The following RABGEF1 variants were observed in gnomAD, a reference collection of about 807,000 sequenced individuals.
RABGEF1 encodes the protein RAB guanine nucleotide exchange factor 1, also known as rab5 GDP/GTP exchange factor.
Under a neutral mutation model 57.3 loss-of-function variants are expected in RABGEF1, and 26 were observed. That is an observed-to-expected ratio of 0.45 (90% CI 0.33 to 0.63). The LOEUF (loss-of-function observed/expected upper bound fraction) is 0.63, where lower values mean the gene tolerates loss of function less well. Ranked by LOEUF, RABGEF1 falls within the 20% of genes least tolerant of loss-of-function variation. RABGEF1 has a pLI of 0.02. For synonymous variants in RABGEF1, 185 were observed against 210.7 expected, an observed-to-expected ratio of 0.88 and a Z score of 1.06; for missense variants, 464 against 607.6, an observed-to-expected ratio of 0.76 and a Z score of 2.48.
Position 66,767,105 on chromosome 7 carries a change from C to T in RABGEF1, c.-17-4778C>T, listed in dbSNP as rs368160674. On this transcript the variant is annotated intron_variant, in intron 1 of 8. Coordinates refer to ENST00000284957, the MANE Select transcript of RABGEF1 (RefSeq NM_014504.3). ...GCAACCTCCATCTCCCCGGTTCATG[C>T]GATTCTTGTGTCTCAGCCTCCCAAG... Among the ~76,000 whole-genome samples the T allele has an allele frequency of 2.6e-4, 39 of 150,530 alleles. 1 individual carries two copies. In the East Asian group the frequency reaches 5.7e-3, roughly 22 times the overall value.
chr7:66,668,888 G>T, the RABGEF1 span: 1 of 152,300 alleles, frequency 6.6e-6, no homozygotes, highest in Non-Finnish European at 1.5e-5. Flanking sequence ...TCTTGCATCA[G>T]ATGCAGAAAC....
At chr7:66,749,284 A>G (rs1038840443) in intron 1 of RABGEF1, among the ~76,000 whole-genome samples, 4 of 152,220 alleles carry the variant, frequency 2.6e-5, no homozygotes, top group Admixed American at 6.5e-5. Flanking sequence ...GGAGCCATGC[A>G]TTGTGTTAAT....
chr7:66,691,664 C>A (rs1330775655), intron 1 of RABGEF1, among the ~76,000 whole-genome samples: 2 of 152,148 alleles, frequency 1.3e-5, no homozygotes, highest in Non-Finnish European at 2.9e-5. Flanking sequence ...CAATAAATTA[C>A]ATGAGAAATT....
At chr7:66,654,796 C>T in the RABGEF1 span, among the ~76,000 whole-genome samples, 9 of 152,232 alleles carry the variant, frequency 5.9e-5, no homozygotes, top group South Asian at 2.1e-4. Context: ...ATTCCAGCCC[C>T]GTCAGCTCCG....
chr7:66,680,655 C>A (rs1433878284), upstream of RABGEF1, among the ~76,000 whole-genome samples: 1 of 151,954 alleles, frequency 6.6e-6, no homozygotes, highest in East Asian at 1.9e-4. Flanking sequence ...TGAGCAAGAA[C>A]AGAAATTAGG....
At chr7:66,758,680 T>C (rs1803400535) in intron 1 of RABGEF1, among the ~76,000 whole-genome samples, 1 of 152,014 alleles carries the variant, frequency 6.6e-6, no homozygotes, top group Non-Finnish European at 1.5e-5. Flanking sequence ...CCAATCTGGG[T>C]GTGCCGACTC....
At chr7:66,699,489 G>C (rs182684538) in intron 1 of RABGEF1, among the ~76,000 whole-genome samples, 1 of 152,084 alleles carries the variant, frequency 6.6e-6, no homozygotes, top group Non-Finnish European at 1.5e-5. Context: ...TCGGGAGTTC[G>C]AGACCAGCCT....
intron 1 of RABGEF1, among the ~76,000 whole-genome samples, chr7:66,743,878 G>A (rs556618378): frequency 1.3e-5 from 2 of 152,078 alleles, no homozygotes; most frequent in East Asian, 3.9e-4. Flanking sequence ...TGATTCTCTA[G>A]CCTCGGCCTC....
intron 1 of RABGEF1, among the ~76,000 whole-genome samples, chr7:66,760,105 G>T (rs1803894073): frequency 6.6e-6 from 1 of 152,180 alleles, no homozygotes; most frequent in Non-Finnish European, 1.5e-5. Flanking sequence ...TGACCAAGCA[G>T]GCCCGTCTGA....
intron 1 of RABGEF1, among the ~76,000 whole-genome samples, chr7:66,696,994 C>T (rs1411071042): frequency 1.3e-5 from 2 of 152,138 alleles, no homozygotes; most frequent in African/African-American, 4.8e-5. Context: ...AGCCAATGTG[C>T]GTGGAGCAGA....
At chr7:66,697,441 C>G (rs1487590839) in intron 1 of RABGEF1, among the ~76,000 whole-genome samples, 1 of 152,190 alleles carries the variant, frequency 6.6e-6, no homozygotes, top group Non-Finnish European at 1.5e-5. Context: ...GTCAAACCGA[C>G]GTCTCTCCCT....
At chr7:66,657,820 C>A in the RABGEF1 span, among the ~76,000 whole-genome samples, 8 of 151,170 alleles carry the variant, frequency 5.3e-5, no homozygotes, top group East Asian at 5.8e-4. Flanking sequence ...GACTCTATCT[C>A]AAAAAAAATC....
chr7:66,676,905 CACAAAAGTTAAAAA>C, the RABGEF1 span, among the ~76,000 whole-genome samples: 2 of 152,178 alleles, frequency 1.3e-5, no homozygotes, highest in Non-Finnish European at 2.9e-5. Flanking sequence ...TCCCTTGATG[CACAAAAGTTAAAAA>C]ACTACTGATG....
chr7:66,676,277 C>T, the RABGEF1 span, among the ~76,000 whole-genome samples: 6 of 150,328 alleles, frequency 4.0e-5, no homozygotes, highest in Non-Finnish European at 8.9e-5. Context: ...AGCGAGACTT[C>T]GTTTCAAAAA....
At chr7:66,752,493 T>TA (rs368452742) in intron 1 of RABGEF1, among the ~76,000 whole-genome samples, 5,749 of 137,322 alleles carry the variant, frequency 0.042, 157 homozygotes, top group Middle Eastern at 0.086. Flanking sequence ...AAACTCCGTC[T>TA]AAAAAAAAAA....
chr7:66,779,048 G>A (rs1357348389), intron 3 of RABGEF1, among the ~76,000 whole-genome samples: 1 of 152,118 alleles, frequency 6.6e-6, no homozygotes, highest in Non-Finnish European at 1.5e-5. Context: ...CCGGGGAGTG[G>A]AGGTTGCAGT....
chr7:66,749,775 T>G (rs549594225), intron 1 of RABGEF1, among the ~76,000 whole-genome samples: 1 of 152,154 alleles, frequency 6.6e-6, no homozygotes, highest in East Asian at 1.9e-4. Flanking sequence ...ATAGAGACCA[T>G]CCTGGCTAAC....
chr7:66,791,823 T>A (rs1359269514), intron 4 of RABGEF1, among the ~76,000 whole-genome samples: 2 of 152,178 alleles, frequency 1.3e-5, no homozygotes, highest in Admixed American at 6.5e-5. Flanking sequence ...TCAGATGTTA[T>A]AGAAAAGATG....
intron 1 of RABGEF1, among the ~76,000 whole-genome samples, chr7:66,695,515 G>A (rs548013214): frequency 6.6e-6 from 1 of 152,216 alleles, no homozygotes; most frequent in Non-Finnish European, 1.5e-5. Flanking sequence ...AGTGACAAGA[G>A]TTGCTGCAGC....
Sources: allele counts gnomAD v4.1 joint callset (sites outside exome capture counted in the v4.1 genomes callset), GRCh38; gene constraint gnomAD v4.1.1; transcripts MANE v1.5; gene names NCBI Gene and HGNC (gene_info 2026-07-23, HGNC 2026-07-21).